The following ITPR3 variants were observed in gnomAD, a reference collection of about 807,000 sequenced individuals.
ITPR3 encodes the protein inositol 1,4,5-trisphosphate-gated calcium channel ITPR3.
In ITPR3, 173 loss-of-function variants were observed where a neutral mutation model predicts 293.2. That is an observed-to-expected ratio of 0.59 (90% CI 0.52 to 0.67). The LOEUF (loss-of-function observed/expected upper bound fraction) is 0.67, where lower values mean the gene tolerates loss of function less well. Ranked by LOEUF, ITPR3 falls within the 30% of genes least tolerant of loss-of-function variation. ITPR3 has a pLI of 0.00. For missense variants in ITPR3, 2,796 were observed against 3,592.1 expected, an observed-to-expected ratio of 0.78 and a Z score of 5.66; for synonymous variants, 1,295 against 1,444.4, an observed-to-expected ratio of 0.90 and a Z score of 2.35.
In ITPR3 at chr6:33,655,582, C is replaced by T. The variant is rs528193999; in HGVS notation, c.161-184C>T. ...CCTGCCTCTGAGCCTCCCCATTCTACTCAGCATATTCCAGGATGCTCCAAA... is the reference window on the plus strand; with the variant it reads ...CCTGCCTCTGAGCCTCCCCATTCTATTCAGCATATTCCAGGATGCTCCAAA... On this transcript the variant is annotated intron_variant, in intron 2 of 57. Coordinates refer to ENST00000605930, the MANE Select transcript of ITPR3 (RefSeq NM_002224.4). This position sits in a 1 kb window ranked among gnomAD's most constrained non-coding sequence, Gnocchi z 4.9. 1.3e-5 allele frequency among the ~76,000 whole-genome samples: 2 copies of T among 152,312 alleles called. No homozygotes were observed. Among genetic ancestry groups the T allele is most frequent in the South Asian group, 4.1e-4 (2 of 4,828 alleles).
Position 33,665,184 on chromosome 6 carries a change from C to G in ITPR3, c.1380C>G (p.Asn460Lys), listed in dbSNP as rs780808015. 6.2e-7 allele frequency: 1 copy of G among 1,614,102 alleles called. No homozygotes were observed. Among genetic ancestry groups the G allele is most frequent in the East Asian group, 2.2e-5 (1 of 44,886 alleles). ...SMLASAVEKL[N>K]EGFISQNDRR... ...TGGCCAGTGCCGTGGAGAAACTCAA[C>G]GAGGGCTTCATCAGCCAGAATGACC... The change falls in exon 13 of 58, where the codon AAC (asparagine) becomes AAG (lysine). Residue 460 changes from asparagine to lysine, a missense_variant. Physicochemically the swap from Asn to Lys is moderately conservative, Grantham distance 94. Transcript: ENST00000605930.
At position 33,670,237 on chromosome 6, in the gene ITPR3, T is replaced by C; in HGVS notation, c.2190-88T>C. On this transcript the variant is annotated intron_variant, in intron 18 of 57. Coordinates refer to ENST00000605930, the MANE Select transcript of ITPR3 (RefSeq NM_002224.4). This position sits in a 1 kb window ranked among gnomAD's most constrained non-coding sequence, Gnocchi z 6.7. ...CTTTAACCTAATCCCTTTGCCACTT[T>C]ACTGAGTCCTCACCAAGTCTAGTGC... 1 of 1,432,272 alleles carries C rather than the reference T, an allele frequency of 7.0e-7. No homozygotes were observed. Among genetic ancestry groups the C allele is most frequent in the Admixed American group, 1.8e-5 (1 of 57,130 alleles). The allele number at this position is 1,432,272 out of a possible 1,614,324, so 88.7% of individuals were successfully genotyped here. A position where few individuals can be genotyped will look rare whatever the true frequency, so the allele number is the denominator to read the frequency against.
intron 25 of ITPR3, among the ~76,000 whole-genome samples, chr6:33,676,439 C>A (rs1244908361): frequency 6.6e-6 from 1 of 152,162 alleles, no homozygotes; most frequent in Non-Finnish European, 1.5e-5. Context: ...TTCAGGGCTG[C>A]CAATATGTTT....
chr6:33,668,027 ACT>A (rs1764659826), intron 16 of ITPR3, 63 bp downstream of exon 16: 1 of 1,566,142 alleles, frequency 6.4e-7, no homozygotes, highest in Non-Finnish European at 8.7e-7. Flanking sequence ...CTGGGTAGAA[ACT>A]CTGCTGGTTG....
chr6:33,671,975 TG>T, intron 21 of ITPR3, 53 bp from the exon 22 acceptor site: 1 of 1,506,416 alleles, frequency 6.6e-7, no homozygotes, highest in Non-Finnish European at 9.0e-7. Flanking sequence ...CAGGGACCCC[TG>T]TGTACAGCCT....
In ITPR3 at chr6:33,693,662, C is replaced by T; in HGVS notation, c.7742C>T (p.Thr2581Ile). The T allele has an allele frequency of 6.2e-7, 1 of 1,614,212 alleles. No individual in the cohort carries two copies. Among genetic ancestry groups the T allele is most frequent in the Non-Finnish European group, 8.5e-7 (1 of 1,180,032 alleles). ...FIVLVRVKNK[T>I]DYTGPESYVA... ...GTGCTGGTCCGCGTGAAGAACAAGACCGACTACACGGGCCCTGAGAGCTAC... is the reference window on the plus strand; with the variant it reads ...GTGCTGGTCCGCGTGAAGAACAAGATCGACTACACGGGCCCTGAGAGCTAC... Residue 2581 changes from threonine (T) to isoleucine (I), a missense_variant, in exon 56 of 58, where the codon ACC becomes ATC. Physicochemically the swap from Thr to Ile is moderately conservative, Grantham distance 89. Around this residue, in one of 8 missense-constraint regions of ITPR3, gnomAD observed 568 missense variants for 796.1 expected, o/e 0.71. Coordinates refer to ENST00000605930, the MANE Select transcript of ITPR3 (RefSeq NM_002224.4).
chr6:33,634,908 G>A (rs966997687), intron 1 of ITPR3, among the ~76,000 whole-genome samples: 4 of 152,048 alleles, frequency 2.6e-5, no homozygotes, highest in African/African-American at 9.7e-5. Context: ...CTGAGGAGGG[G>A]GACTCTGCGG....
rs374283783 is a variant in ITPR3, at chr6:33,655,797, C to A, written c.192C>A (p.Arg64=). Reference sequence around the variant, plus strand: ...TCTTCAAGGTGTGCCCCATGAACCGCTACTCGGCCCAGAAGCAGTACTGGA... The same window carrying A: ...TCTTCAAGGTGTGCCCCATGAACCGATACTCGGCCCAGAAGCAGTACTGGA... ...DCLFKVCPMN[R]YSAQKQYWKA... Residue 64 remains arginine, a synonymous_variant, in exon 3 of 58, where the codon CGC becomes CGA. Coordinates refer to ENST00000605930, the MANE Select transcript of ITPR3 (RefSeq NM_002224.4). This position sits in a 1 kb window ranked among gnomAD's most constrained non-coding sequence, Gnocchi z 4.9. 2.5e-6 allele frequency: 4 copies of A among 1,614,002 alleles called. No individual in the cohort carries two copies. Among genetic ancestry groups the A allele is most frequent in the Non-Finnish European group, 1.7e-6 (2 of 1,180,026 alleles).
At position 33,684,158 on chromosome 6, in the gene ITPR3, T is replaced by C; in HGVS notation, c.4927T>C (p.Phe1643Leu). 1 of 1,610,706 alleles carries C rather than the reference T, an allele frequency of 6.2e-7. No individual in the cohort carries two copies. The highest frequency in any genetic ancestry group is 1.3e-5 in the African/African-American group (1 of 74,916). ...EAYQRCESGG[F>L]LSKLIQHTKD... ...CTACCAGCGCTGCGAGAGTGGGGGC[T>C]TCCTGTCCAAGTGAGCGAGACACTG... The change falls in exon 36 of 58, where the codon TTC becomes CTC. Residue 1643 changes from phenylalanine (F) to leucine (L), a missense_variant. By Grantham distance (22) the Phe-to-Leu change is conservative. Transcript: ENST00000605930. This position sits in a 1 kb window ranked among gnomAD's most constrained non-coding sequence, Gnocchi z 4.2.
chr6:33,672,282 G>A lies in ITPR3; in HGVS notation c.2928+54G>A. Reference sequence around the variant, plus strand: ...GTTGGGTATAGGGGGAGGGTAATGGGGCGGGTACAGGGAGGCTGGGCAGGG... The same window carrying A: ...GTTGGGTATAGGGGGAGGGTAATGGAGCGGGTACAGGGAGGCTGGGCAGGG... On this transcript the variant is annotated intron_variant, in intron 22 of 57. Coordinates refer to ENST00000605930, the MANE Select transcript of ITPR3 (RefSeq NM_002224.4). This position sits in a 1 kb window ranked among gnomAD's most constrained non-coding sequence, Gnocchi z 5.0. 5 of 1,474,914 alleles carry A rather than the reference G, an allele frequency of 3.4e-6. No individual in the cohort carries two copies. Among genetic ancestry groups the A allele is most frequent in the Non-Finnish European group, 4.7e-6 (5 of 1,060,444 alleles). The allele number at this position is 1,474,914 out of a possible 1,614,324, so 91.4% of individuals were successfully genotyped here. A position where few individuals can be genotyped will look rare whatever the true frequency, so the allele number is the denominator to read the frequency against.
chr6:33,670,583 G>GGGGTGGAGGCA lies in ITPR3; in HGVS notation c.2441+14_2441+24dup, dbSNP rs1764730307. 15 of 1,612,732 alleles carry GGGGTGGAGGCA rather than the reference G, an allele frequency of 9.3e-6. No homozygotes were observed. The highest frequency in any genetic ancestry group is 1.3e-5 in the Non-Finnish European group (15 of 1,179,590). ...CAGCCATCACCATCAAGGAGTGAGAGGGGTGGAGGCAGGGTGGGCGGGGCA... is the reference window on the plus strand; with the variant it reads ...CAGCCATCACCATCAAGGAGTGAGAGGGGTGGAGGCAGGGTGGAGGCAGGGTGGGCGGGGCA... On this transcript the variant is annotated splice_region_variant and intron_variant, in intron 19 of 57. Coordinates refer to ENST00000605930, the MANE Select transcript of ITPR3 (RefSeq NM_002224.4). This position sits in a 1 kb window ranked among gnomAD's most constrained non-coding sequence, Gnocchi z 6.7.
At chr6:33,671,122 C>A (rs190135313) in intron 20 of ITPR3, 43 bp from the exon 21 acceptor site, 2 of 1,608,846 alleles carry the variant, frequency 1.2e-6, no homozygotes, top group Non-Finnish European at 1.7e-6. Flanking sequence ...CGCCCCTACG[C>A]GCCGGCCCCT....
Position 33,677,039 on chromosome 6 carries a change from C to G in ITPR3, c.3472C>G (p.Leu1158Val). The change falls in exon 27 of 58, where the codon CTG (leucine) becomes GTG (valine). Residue 1158 changes from leucine (L) to valine (V), a missense_variant. Leu to Val is a conservative substitution (Grantham distance 32). Coordinates refer to ENST00000605930, the MANE Select transcript of ITPR3 (RefSeq NM_002224.4). ...KERPTDEEGFLHPPGEKSSEN... is the reference protein window; with the variant it reads ...KERPTDEEGFVHPPGEKSSEN... ...GCGTCCCACGGACGAGGAGGGCTTT[C>G]TGCACCCACCAGGGGAGAAAAGCAG... 1 of 1,614,192 alleles carries G rather than the reference C, an allele frequency of 6.2e-7. No individual in the cohort carries two copies. Among genetic ancestry groups the G allele is most frequent in the Non-Finnish European group, 8.5e-7 (1 of 1,180,030 alleles).
Position 33,665,979 on chromosome 6 carries a change from G to A in ITPR3, c.1551+3G>A, listed in dbSNP as rs1393383575. 1.2e-6 allele frequency: 2 copies of A among 1,601,016 alleles called. No individual in the cohort carries two copies. The highest frequency in any genetic ancestry group is 1.1e-5 in the South Asian group (1 of 89,198). The stretch of plus-strand genomic sequence containing the variant: ...GGGAGCAGAACATCCTCAAACAGGT[G>A]CGTGTGCACCCATGAGGGGACGCAG... On this transcript the variant is annotated splice_donor_region_variant and intron_variant, in intron 14 of 57. Transcript: ENST00000605930.
chr6:33,665,285 A>C (rs1388693345), intron 13 of ITPR3, 72 bp downstream of exon 13: 1 of 1,549,614 alleles, frequency 6.5e-7, no homozygotes, highest in East Asian at 2.3e-5. Context: ...TGAAGAAAGG[A>C]GTCATGAAGC....
chr6:33,695,971 C>T lies in ITPR3; in HGVS notation c.*191C>T. ...GGGAGCCTCAGAGCTGACAGTCCTGCTTAGAGCCCTTAAAAAGACTTGAAA... is the reference window on the plus strand; with the variant it reads ...GGGAGCCTCAGAGCTGACAGTCCTGTTTAGAGCCCTTAAAAAGACTTGAAA... On this transcript the variant is annotated 3_prime_UTR_variant, in exon 58 of 58. Transcript: ENST00000605930. The T allele has an allele frequency of 1.7e-6, 1 of 590,710 alleles. No homozygotes were observed. The highest frequency in any genetic ancestry group is 3.0e-6 in the Non-Finnish European group (1 of 330,950). 36.6% of individuals were successfully genotyped at this position (590,710 alleles called of 1,614,324 possible).
At chr6:33,653,278 C>CATTTTTTTTTTTTTTTTTT in intron 2 of ITPR3, among the ~76,000 whole-genome samples, 1 of 132,078 alleles carries the variant, frequency 7.6e-6, no homozygotes. Context: ...TTTTTATTAA[C>CATTTTTTTTTTTTTTTTTT]TTTTTTTTTT....
chr6:33,650,871 G>A (rs1276864853), intron 2 of ITPR3, among the ~76,000 whole-genome samples: 1 of 151,392 alleles, frequency 6.6e-6, no homozygotes, highest in Non-Finnish European at 1.5e-5. Context: ...TGAAGTCTCT[G>A]CCTGTGTCTG....
rs1204933065 is a variant in ITPR3 at position 33,678,731 on chromosome 6, C to T, written c.3864C>T (p.His1288=). Reference sequence around the variant, plus strand: ...AGCCTGTGTTGCAGCACTTCGTGCACCTGCTGGCCACGCACGGGCGCCATG... The same window carrying T: ...AGCCTGTGTTGCAGCACTTCGTGCATCTGCTGGCCACGCACGGGCGCCATG... ...ISEPVLQHFV[H]LLATHGRHVQ... is the part of the protein sequence containing the mutation. The change falls in exon 30 of 58, where the codon CAC becomes CAT. Residue 1288 remains histidine (H), a synonymous_variant. Transcript: ENST00000605930. 7.4e-6 allele frequency: 12 copies of T among 1,613,540 alleles called. No individual in the cohort carries two copies. Among genetic ancestry groups the T allele is most frequent in the Non-Finnish European group, 1.0e-5 (12 of 1,179,912 alleles).
Sources: gnomAD v4.1 joint callset for allele counts (sites outside exome capture counted in the v4.1 genomes callset) on GRCh38, gnomAD v4.1.1 for gene constraint, gnomAD v4.1.1 regional missense constraint, Gnocchi (gnomAD v3.1) non-coding constraint, MANE v1.5 for transcripts, NCBI Gene and HGNC (gene_info 2026-07-23, HGNC 2026-07-21) for gene names.